The following GRIK1 variants were observed in gnomAD, a reference collection of about 807,000 sequenced individuals.
The protein encoded by GRIK1 is glutamate ionotropic receptor kainate type subunit 1.
A neutral mutation model predicts 105.7 loss-of-function variants in GRIK1; 69 were observed. The observed-to-expected ratio is 0.65, with a 90% CI of 0.54 to 0.80. The LOEUF is 0.80. Among genes scored for constraint, GRIK1 ranks in the 30% least tolerant of loss-of-function variants. The pLI, the probability that GRIK1 is intolerant of heterozygous loss-of-function variation, is 0.00. For missense variants in GRIK1, 1,109 were observed against 1,167.3 expected (o/e 0.95, Z 0.73); for synonymous variants, 438 against 431.3 (o/e 1.02, Z -0.19).
intron 1 of GRIK1, among the ~76,000 whole-genome samples, chr21:29,782,033 G>A (rs112746974): frequency 1.3e-3 from 190 of 151,184 alleles, no homozygotes; most frequent in South Asian, 5.7e-3. Flanking sequence ...ATTCCTTAGT[G>A]ATGGGCATTT....
chr21:29,927,589 T>C (rs1408518860), intron 1 of GRIK1, among the ~76,000 whole-genome samples: 1 of 151,048 alleles, frequency 6.6e-6, no homozygotes, highest in Non-Finnish European at 1.5e-5. Flanking sequence ...ATATAAAATA[T>C]GGGTTGGGCA....
At chr21:29,671,065 A>G (rs12626456) in intron 4 of GRIK1, among the ~76,000 whole-genome samples, 12,887 of 152,222 alleles carry the variant, frequency 0.085, 1,125 homozygotes, top group African/African-American at 0.22. Flanking sequence ...AGAATTAGAT[A>G]TGGTGATGTC....
intron 1 of GRIK1, among the ~76,000 whole-genome samples, chr21:29,795,839 A>G (rs796720653): frequency 7.2e-5 from 11 of 152,290 alleles, no homozygotes; most frequent in African/African-American, 2.6e-4. Context: ...TTCTTTTGAT[A>G]GTGAGGCTAT....
intron 6 of GRIK1, among the ~76,000 whole-genome samples, chr21:29,649,326 C>G (rs74870266): frequency 0.013 from 1,936 of 152,222 alleles, 53 homozygotes; most frequent in African/African-American, 0.044. Flanking sequence ...GTTACTCTAC[C>G]CACTTTTGCA....
At chr21:29,769,591 T>A (rs2065762073) in intron 1 of GRIK1, among the ~76,000 whole-genome samples, 1 of 152,104 alleles carries the variant, frequency 6.6e-6, no homozygotes. Context: ...TCCCCGCTGA[T>A]CTGACAAGAG....
At chr21:29,725,106 A>T (rs2064422973) in intron 1 of GRIK1, among the ~76,000 whole-genome samples, 4 of 151,970 alleles carry the variant, frequency 2.6e-5, no homozygotes, top group Non-Finnish European at 5.9e-5. Flanking sequence ...CGCTCCCTCC[A>T]GCTGGAGAAG....
At chr21:29,788,421 G>A (rs1252388969) in intron 1 of GRIK1, among the ~76,000 whole-genome samples, 2 of 152,150 alleles carry the variant, frequency 1.3e-5, no homozygotes, top group African/African-American at 4.8e-5. Flanking sequence ...TGGAACCTAA[G>A]GAGGCCAGTG....
At chr21:29,847,951 G>A in intron 1 of GRIK1, among the ~76,000 whole-genome samples, 1 of 151,894 alleles carries the variant, frequency 6.6e-6, no homozygotes, top group East Asian at 1.9e-4. Flanking sequence ...ATGCACATGT[G>A]TATGTGTATA....
intron 1 of GRIK1, among the ~76,000 whole-genome samples, chr21:29,897,834 T>C (rs2070228935): frequency 6.6e-6 from 1 of 152,208 alleles, no homozygotes; most frequent in Non-Finnish European, 1.5e-5. Context: ...AAATGATATA[T>C]GTGATTGGGC....
At chr21:29,683,395 T>C (rs2063419102) in intron 3 of GRIK1, among the ~76,000 whole-genome samples, 2 of 152,286 alleles carry the variant, frequency 1.3e-5, no homozygotes, top group South Asian at 2.1e-4. Flanking sequence ...CAGTGGTGGA[T>C]TGGATAAAGA....
chr21:29,684,679 T>G (rs1290162471), intron 3 of GRIK1, among the ~76,000 whole-genome samples: 4 of 152,114 alleles, frequency 2.6e-5, no homozygotes, highest in Non-Finnish European at 5.9e-5. Flanking sequence ...GGCTAATTTT[T>G]TTTTGTATTT....
At chr21:29,577,310 T>C in intron 13 of GRIK1, 129 bp from the exon 14 acceptor site, 1 of 567,620 alleles carries the variant, frequency 1.8e-6, no homozygotes, top group South Asian at 2.9e-5. Flanking sequence ...ATGAAATAAA[T>C]GCATTTTATA....
chr21:29,772,729 T>C (rs1189678504), intron 1 of GRIK1, among the ~76,000 whole-genome samples: 2 of 152,198 alleles, frequency 1.3e-5, no homozygotes, highest in East Asian at 1.9e-4. Flanking sequence ...AATACTAAAA[T>C]TGTGCAAAGA....
At chr21:29,646,472 G>A (rs2062622376) in intron 6 of GRIK1, among the ~76,000 whole-genome samples, 1 of 151,756 alleles carries the variant, frequency 6.6e-6, no homozygotes, top group Non-Finnish European at 1.5e-5. Flanking sequence ...CTGTCATTGT[G>A]AGTATAACAG....
chr21:29,761,144 T>C (rs1224117526), intron 1 of GRIK1: 1 of 152,250 alleles, frequency 6.6e-6, no homozygotes, highest in African/African-American at 2.4e-5. Flanking sequence ...TCCTCATTTC[T>C]CCGATAAGCA....
chr21:29,593,951 T>G lies in GRIK1; in HGVS notation c.1251+2575A>C, dbSNP rs112676004. 1.1e-3 allele frequency among the ~76,000 whole-genome samples: 163 copies of G among 152,336 alleles called. 1 individual carries two copies. The highest frequency in any genetic ancestry group is 3.9e-3 in the African/African-American group (161 of 41,584). On this transcript the variant is annotated intron_variant, in intron 9 of 17. Coordinates refer to ENST00000327783, the MANE Select transcript of GRIK1 (RefSeq NM_001330994.2). ...CATTGCTGCTGCCAATCCAATCAAC[T>G]AAGTCCCAAGTCCTATTCAGTTTAA... is the stretch of plus-strand genomic sequence containing the variant.
chr21:29,664,392 G>C (rs1223310746), intron 4 of GRIK1, among the ~76,000 whole-genome samples: 2 of 152,044 alleles, frequency 1.3e-5, no homozygotes, highest in East Asian at 3.8e-4. Context: ...TTTATATATT[G>C]GTGCTGAGCT....
intron 13 of GRIK1, among the ~76,000 whole-genome samples, chr21:29,578,351 C>T (rs1045479057): frequency 6.6e-6 from 1 of 152,130 alleles, no homozygotes; most frequent in Non-Finnish European, 1.5e-5. Context: ...TGTGTTGAAG[C>T]TCTGTCGTTA....
rs116452185 is a variant in GRIK1, at chr21:29,749,948, A to T, written c.119-55885T>A. On this transcript the variant is annotated intron_variant, in intron 1 of 17. Transcript: ENST00000327783. ...CAAAAGTACGTAATCTAAATTGTGA[A>T]GTCTTTATTATTTTTACTATTTATT... 5.8e-3 allele frequency among the ~76,000 whole-genome samples: 881 copies of T among 152,118 alleles called. 15 individuals carry two copies. The highest frequency in any genetic ancestry group is 0.02 in the African/African-American group (828 of 41,504).
Sources: gnomAD v4.1 joint callset for allele counts (sites outside exome capture counted in the v4.1 genomes callset) on GRCh38, gnomAD v4.1.1 for gene constraint, MANE v1.5 for transcripts, NCBI Gene and HGNC (gene_info 2026-07-23, HGNC 2026-07-21) for gene names.